NUFIP1: variants seen among roughly 807,000 people sequenced by gnomAD.
The protein encoded by NUFIP1 is FMR1-interacting protein NUFIP1.
A neutral mutation model predicts 56.2 loss-of-function variants in NUFIP1; 38 were observed. That is an observed-to-expected ratio of 0.68 (90% CI 0.52 to 0.89). NUFIP1 has a LOEUF of 0.89. NUFIP1 is among the 40% of genes least tolerant of loss of function. The pLI, the probability that NUFIP1 is intolerant of heterozygous loss-of-function variation, is 0.00. For missense variants in NUFIP1, 567 were observed against 605.8 expected (o/e 0.94, Z 0.67); for synonymous variants, 215 against 212.4 (o/e 1.01, Z -0.10).
intron 6 of NUFIP1, among the ~76,000 whole-genome samples, chr13:44,965,235 CT>C (rs939016425): frequency 3.9e-5 from 6 of 152,350 alleles, no homozygotes; most frequent in African/African-American, 9.6e-5. Flanking sequence ...TGACTTGCCC[CT>C]CTTTGCCTTC....
At chr13:44,987,142 C>G (rs1267762930) in intron 1 of NUFIP1, among the ~76,000 whole-genome samples, 1 of 152,114 alleles carries the variant, frequency 6.6e-6, no homozygotes, top group Non-Finnish European at 1.5e-5. Context: ...TTTTCGGAGG[C>G]CAAGGAGGAT....
At chr13:44,947,780 C>G (rs1227560372) in intron 8 of NUFIP1, among the ~76,000 whole-genome samples, 1 of 152,098 alleles carries the variant, frequency 6.6e-6, no homozygotes, top group African/African-American at 2.4e-5. Flanking sequence ...AACTGATAAG[C>G]AGGAAATGTA....
intron 4 of NUFIP1, among the ~76,000 whole-genome samples, chr13:44,979,674 G>A (rs1044952354): frequency 5.3e-5 from 8 of 152,226 alleles, no homozygotes; most frequent in African/African-American, 1.9e-4. Context: ...CAATTCTCAG[G>A]CCTTGGGCAA....
Position 44,941,638 on chromosome 13 carries a change from C to T in NUFIP1, c.1372-316G>A, listed in dbSNP as rs540853119. Among the ~76,000 whole-genome samples, 6 of 152,120 alleles carry T rather than the reference C, an allele frequency of 3.9e-5. 1 individual carries two copies. Among genetic ancestry groups the T allele is most frequent in the South Asian group, 4.2e-4 (2 of 4,816 alleles). On this transcript the variant is annotated intron_variant, in intron 9 of 9. Coordinates refer to ENST00000379161, the MANE Select transcript of NUFIP1 (RefSeq NM_012345.3). ...ACGCCATTCTCCTGCCTCAGCCTCC[C>T]GAGTAGCTGGGACTACAGACACCCG...
intron 5 of NUFIP1, among the ~76,000 whole-genome samples, chr13:44,976,677 T>C (rs939634995): frequency 1.3e-5 from 2 of 152,220 alleles, no homozygotes; most frequent in Non-Finnish European, 2.9e-5. Flanking sequence ...AACTACTTCA[T>C]GGTCTCAGTC....
chr13:44,953,703 T>C (rs371690512), intron 7 of NUFIP1, among the ~76,000 whole-genome samples: 64 of 152,182 alleles, frequency 4.2e-4, no homozygotes, highest in African/African-American at 1.5e-3. Context: ...GTTCAGCTTA[T>C]ATTTTCCCTG....
intron 5 of NUFIP1, among the ~76,000 whole-genome samples, chr13:44,978,104 C>T (rs577672779): frequency 1.3e-5 from 2 of 152,292 alleles, no homozygotes; most frequent in South Asian, 4.1e-4. Context: ...TTCCTTTGTA[C>T]ACAGTATTAA....
In NUFIP1 at chr13:44,965,434, T is replaced by C. The variant is rs371148014; in HGVS notation, c.827+410A>G. ...AAAAATTACCAGGCATGGGGCCAGG[T>C]GCGGTAATCCCATCACTTTGGGAGG... On this transcript the variant is annotated intron_variant, in intron 6 of 9. Coordinates refer to ENST00000379161, the MANE Select transcript of NUFIP1 (RefSeq NM_012345.3). 8.8e-4 allele frequency among the ~76,000 whole-genome samples: 134 copies of C among 152,280 alleles called. 7 individuals carry two copies. The South Asian group carries it at 0.026, about 30-fold the overall frequency.
intron 1 of NUFIP1, among the ~76,000 whole-genome samples, chr13:44,984,524 C>T (rs1423755028): frequency 6.6e-6 from 1 of 152,078 alleles, no homozygotes; most frequent in Non-Finnish European, 1.5e-5. Context: ...TGCCTGTAGT[C>T]CCAGCTACTC....
rs186880627 is a variant in NUFIP1, at chr13:44,953,676, G to A, written c.1022-3838C>T. ...TTTTAGCATTTTCTTACTTTCTGGC[G>A]CTATGAGATGCTCTAGGTTCAGCTT... On this transcript the variant is annotated intron_variant, in intron 7 of 9. Coordinates refer to ENST00000379161, the MANE Select transcript of NUFIP1 (RefSeq NM_012345.3). 9.9e-5 allele frequency among the ~76,000 whole-genome samples: 15 copies of A among 151,966 alleles called. No individual in the cohort carries two copies. The South Asian group carries it at 1.9e-3, about 19-fold the overall frequency.
At chr13:44,966,758 G>A (rs569441331) in intron 5 of NUFIP1, among the ~76,000 whole-genome samples, 2 of 152,064 alleles carry the variant, frequency 1.3e-5, no homozygotes, top group Non-Finnish European at 2.9e-5. Context: ...CGGATCATTT[G>A]AGGTCAGGAG....
chr13:44,954,673 T>TTA (rs1871170584), intron 7 of NUFIP1, among the ~76,000 whole-genome samples: 2 of 152,264 alleles, frequency 1.3e-5, no homozygotes, highest in South Asian at 4.1e-4. Context: ...CAAAGCACAA[T>TTA]TATATGCTCT....
At chr13:44,967,135 GA>G (rs1400450080) in intron 5 of NUFIP1, among the ~76,000 whole-genome samples, 3 of 151,868 alleles carry the variant, frequency 2.0e-5, no homozygotes, top group Non-Finnish European at 2.9e-5. Context: ...TATCTAATTG[GA>G]AAAATCCATA....
At chr13:44,970,464 C>T (rs886974982) in intron 5 of NUFIP1, among the ~76,000 whole-genome samples, 1 of 152,176 alleles carries the variant, frequency 6.6e-6, no homozygotes, top group Non-Finnish European at 1.5e-5. Context: ...AGAGCAACTA[C>T]ATAAAGACCT....
intron 5 of NUFIP1, among the ~76,000 whole-genome samples, chr13:44,969,472 TCTC>T (rs1871728768): frequency 6.6e-6 from 1 of 152,168 alleles, no homozygotes; most frequent in South Asian, 2.1e-4. Flanking sequence ...TAGTCCAATA[TCTC>T]CTGTTAGAGA....
chr13:44,956,170 A>C (rs1249880757), intron 7 of NUFIP1, among the ~76,000 whole-genome samples: 1 of 150,610 alleles, frequency 6.6e-6, no homozygotes, highest in East Asian at 1.9e-4. Flanking sequence ...AAAGAATCTC[A>C]TATTTTAAGG....
chr13:44,989,425 C>G lies in NUFIP1; in HGVS notation c.12G>C (p.Pro4=), dbSNP rs746343062. ...CGATAGGAGTCTCGAAATCACTAGT[C>G]GGCTCAGCCATACCACTGGCGGGTC... is the stretch of plus-strand genomic sequence containing the variant. MAE[P]TSDFETPIGW... Residue 4 remains proline, a synonymous_variant, in exon 1 of 10, where the codon CCG becomes CCC. Transcript: ENST00000379161. 8.1e-6 allele frequency: 13 copies of G among 1,613,264 alleles called. 1 individual carries two copies. The highest frequency in any genetic ancestry group is 1.0e-5 in the Non-Finnish European group (12 of 1,179,786).
At chr13:44,972,542 AAC>A (rs1871841647) in intron 5 of NUFIP1, among the ~76,000 whole-genome samples, 1 of 152,226 alleles carries the variant, frequency 6.6e-6, no homozygotes, top group African/African-American at 2.4e-5. Flanking sequence ...CAGGTGAAGA[AAC>A]ACTGTTCTAT....
chr13:44,947,300 GCGATCTTGGCTCACTGCAACCT>G (rs929376445), intron 8 of NUFIP1, among the ~76,000 whole-genome samples: 3 of 144,790 alleles, frequency 2.1e-5, no homozygotes, highest in Non-Finnish European at 4.5e-5. Flanking sequence ...GTGCAGTGGT[GCGATCTTGGCTCACTGCAACCT>G]CCACCTTCTG....
Sources: allele counts gnomAD v4.1 joint callset (sites outside exome capture counted in the v4.1 genomes callset), GRCh38; gene constraint gnomAD v4.1.1; transcripts MANE v1.5; gene names NCBI Gene and HGNC (gene_info 2026-07-23, HGNC 2026-07-21).